Variants in ERG observed in about 807,000 individuals in gnomAD.
ERG encodes the protein transcriptional regulator ERG.
A neutral mutation model predicts 55.3 loss-of-function variants in ERG; 9 were observed. The observed-to-expected ratio is 0.16, with a 90% CI of 0.10 to 0.28. The LOEUF (loss-of-function observed/expected upper bound fraction) is 0.28. Ranked by LOEUF, ERG falls within the 10% of genes least tolerant of loss-of-function variation. The pLI is 1.00. For synonymous variants in ERG, 223 were observed against 237.3 expected, an observed-to-expected ratio of 0.94 and a Z score of 0.55; for missense variants, 434 against 631.6, an observed-to-expected ratio of 0.69 and a Z score of 3.35.
intron 1 of ERG, among the ~76,000 whole-genome samples, chr21:38,639,145 A>G (rs924881062): frequency 7.2e-5 from 11 of 152,114 alleles, no homozygotes; most frequent in Admixed American, 5.9e-4. Flanking sequence ...TGGGTCCCCA[A>G]TGACATAGTC....
chr21:38,592,402 T>C (rs1408441271), intron 1 of ERG, among the ~76,000 whole-genome samples: 2 of 152,100 alleles, frequency 1.3e-5, no homozygotes, highest in Non-Finnish European at 2.9e-5. Flanking sequence ...CCAGCTGCTC[T>C]CCTAGGCGCT....
chr21:38,373,590 G>A, the ERG span, among the ~76,000 whole-genome samples: 1 of 152,008 alleles, frequency 6.6e-6, no homozygotes, highest in Non-Finnish European at 1.5e-5. Flanking sequence ...CCAAGTCCTG[G>A]GTCTGAGTTC....
chr21:38,429,355 CAT>C (rs1001494859), intron 2 of ERG, among the ~76,000 whole-genome samples: 2 of 148,748 alleles, frequency 1.3e-5, no homozygotes. Flanking sequence ...CACACATATA[CAT>C]ATATAATATG....
chr21:38,559,801 C>T (rs561803244), intron 2 of ERG, among the ~76,000 whole-genome samples: 1 of 152,294 alleles, frequency 6.6e-6, no homozygotes, highest in African/African-American at 2.4e-5. Flanking sequence ...CTGCCTCAGT[C>T]TCCCAAGTAG....
rs150336302 is a variant in ERG, at chr21:38,635,249, C to T, written c.-150+26409G>A. Among the ~76,000 whole-genome samples the T allele has an allele frequency of 8.5e-5, 13 of 152,140 alleles. No homozygotes were observed. The South Asian group carries it at 1.2e-3, about 15-fold the overall frequency. ...TTTTAACATAGACCCATACTGAATC[C>T]TTTCTGAAAAATGTGAGCCTACTAT... On this transcript the variant is annotated intron_variant, in intron 1 of 10. Transcript: ENST00000398910.
At chr21:38,459,466 G>A (rs1217401427) in intron 1 of ERG, among the ~76,000 whole-genome samples, 4 of 152,178 alleles carry the variant, frequency 2.6e-5, no homozygotes, top group South Asian at 2.1e-4. Flanking sequence ...ATTTACTTTG[G>A]GGGACGATTT....
Position 38,498,436 on chromosome 21 carries a change from T to G in ERG, c.-56A>C, listed in dbSNP as rs2059397405. ...ATGTTAATAATAATTATTGCTTCTC[T>G]CTGACCAGAAAGTAGTTTTGATGAG... On this transcript the variant is annotated 5_prime_UTR_variant, in exon 1 of 10. Coordinates refer to ENST00000288319, the MANE Select transcript of ERG (RefSeq NM_182918.4). This position sits in a 1 kb window ranked among gnomAD's most constrained non-coding sequence, Gnocchi z 4.6. The G allele has an allele frequency of 6.3e-7, 1 of 1,595,376 alleles. No individual in the cohort carries two copies. Among genetic ancestry groups the G allele is most frequent in the Non-Finnish European group, 8.5e-7 (1 of 1,172,060 alleles).
the ERG span, among the ~76,000 whole-genome samples, chr21:38,370,653 T>C: frequency 6.6e-6 from 1 of 152,050 alleles, no homozygotes; most frequent in African/African-American, 2.4e-5. Context: ...AGATTTCTAG[T>C]TGTTTGGCCT....
chr21:38,626,493 C>A (rs1268593044), intron 1 of ERG, among the ~76,000 whole-genome samples: 2 of 152,172 alleles, frequency 1.3e-5, no homozygotes, highest in Non-Finnish European at 2.9e-5. Flanking sequence ...ACTTCAGACA[C>A]TGCAGCATTA....
the ERG span, among the ~76,000 whole-genome samples, chr21:38,372,600 T>G: frequency 2.0e-5 from 3 of 152,086 alleles, no homozygotes; most frequent in Non-Finnish European, 4.4e-5. Context: ...GTATATTTCC[T>G]AAGTAAATTT....
Position 38,479,714 on chromosome 21 carries a change from T to C in ERG, c.18+18649A>G, listed in dbSNP as rs181355417. ...CTGCCATTAACTGGAACACTTTCTG[T>C]TCCATCCACAAATGCAATACCTTTT... On this transcript the variant is annotated intron_variant, in intron 1 of 9. Transcript: ENST00000288319. 4.6e-5 allele frequency among the ~76,000 whole-genome samples: 7 copies of C among 152,216 alleles called. No homozygotes were observed. In the East Asian group the frequency reaches 1.4e-3, roughly 30 times the overall value.
intron 1 of ERG, among the ~76,000 whole-genome samples, chr21:38,639,596 A>G (rs983022197): frequency 6.6e-6 from 1 of 152,168 alleles, no homozygotes; most frequent in South Asian, 2.1e-4. Context: ...CCACATAATA[A>G]AAGGAAGAAG....
chr21:38,383,817 C>G lies in ERG; in HGVS notation c.1026G>C (p.Thr342=). ...WEGTNGEFKM[T]DPDEVARRWG... ...AGCGCCGGGCCACCTCGTCGGGATCCGTCATCTTGAACTCCCCGTTGGTGC... is the reference window on the plus strand; with the variant it reads ...AGCGCCGGGCCACCTCGTCGGGATCGGTCATCTTGAACTCCCCGTTGGTGC... The change falls in exon 10 of 10, where the codon ACG becomes ACC. Residue 342 remains threonine, a synonymous_variant. Transcript: ENST00000288319. This position sits in a 1 kb window ranked among gnomAD's most constrained non-coding sequence, Gnocchi z 5.7. The G allele has an allele frequency of 6.2e-7, 1 of 1,614,160 alleles. No homozygotes were observed.
chr21:38,552,857 A>AAC (rs1426735850), intron 2 of ERG, among the ~76,000 whole-genome samples: 3 of 151,776 alleles, frequency 2.0e-5, no homozygotes, highest in Non-Finnish European at 4.4e-5. Flanking sequence ...AAAAAAAAAA[A>AAC]AAAGAAACAA....
intron 1 of ERG, among the ~76,000 whole-genome samples, chr21:38,475,639 T>C (rs2070351): frequency 0.6 from 91,064 of 152,020 alleles, 29,627 homozygotes; most frequent in Non-Finnish European, 0.74. Flanking sequence ...AGGCCTTGCC[T>C]GATCATGTTC....
intron 1 of ERG, among the ~76,000 whole-genome samples, chr21:38,640,378 T>C (rs1261979716): frequency 1.3e-5 from 2 of 152,212 alleles, no homozygotes; most frequent in East Asian, 1.9e-4. Flanking sequence ...TAAATTCTCA[T>C]CTACCTTAGG....
At chr21:38,437,529 G>C (rs1477796303) in intron 2 of ERG, among the ~76,000 whole-genome samples, 15 of 152,302 alleles carry the variant, frequency 9.8e-5, no homozygotes, top group Non-Finnish European at 1.5e-5. Flanking sequence ...AGGCAAGGAG[G>C]CAAGAGCCTC....
At chr21:38,504,061 A>G (rs1175993762) in intron 2 of ERG, among the ~76,000 whole-genome samples, 1 of 152,138 alleles carries the variant, frequency 6.6e-6, no homozygotes, top group African/African-American at 2.4e-5. Context: ...GGAGTGCCAT[A>G]TCCCCCAGCA....
intron 2 of ERG, among the ~76,000 whole-genome samples, chr21:38,527,925 T>G (rs547856845): frequency 2.6e-5 from 4 of 152,202 alleles, no homozygotes; most frequent in Non-Finnish European, 4.4e-5. Context: ...CATAACAAAG[T>G]GCCACACCCT....
Sources: allele counts gnomAD v4.1 joint callset (sites outside exome capture counted in the v4.1 genomes callset), GRCh38; gene constraint gnomAD v4.1.1; non-coding constraint Gnocchi (gnomAD v3.1); transcripts MANE v1.5; gene names NCBI Gene and HGNC (gene_info 2026-07-23, HGNC 2026-07-21).